The following ZNF777 variants were observed in gnomAD, a reference collection of about 807,000 sequenced individuals.
The protein encoded by ZNF777 is zinc finger protein 777.
In ZNF777, 7 loss-of-function variants were observed where a neutral mutation model predicts 72.1. The ratio of observed to expected loss-of-function variants is 0.10; its 90% CI spans 0.06 to 0.18. ZNF777 has a LOEUF of 0.18. Among genes scored for constraint, ZNF777 ranks in the 10% least tolerant of loss-of-function variants. The probability of loss-of-function intolerance (pLI) is 1.00; values close to 1 mark genes in which losing one functional copy is unlikely to be tolerated. For missense variants in ZNF777, 828 were observed against 1,128.6 expected, an observed-to-expected ratio of 0.73 and a Z score of 3.82; for synonymous variants, 545 against 483.5, an observed-to-expected ratio of 1.13 and a Z score of -1.67.
chr7:149,456,835 T>C (rs1481178348), intron 1 of ZNF777, among the ~76,000 whole-genome samples: 3 of 152,246 alleles, frequency 2.0e-5, no homozygotes, highest in African/African-American at 7.2e-5. Context: ...ACATCTTCTA[T>C]GTGCCCGGCC....
At chr7:149,446,147 G>A (rs1041156047) in intron 4 of ZNF777, among the ~76,000 whole-genome samples, 6 of 152,218 alleles carry the variant, frequency 3.9e-5, no homozygotes, top group African/African-American at 1.4e-4. Flanking sequence ...GGAGTCCGAG[G>A]CGGGCAGATT....
At chr7:149,446,197 G>C (rs561767073) in intron 4 of ZNF777, among the ~76,000 whole-genome samples, 1 of 152,196 alleles carries the variant, frequency 6.6e-6, no homozygotes, top group South Asian at 2.1e-4. Flanking sequence ...GACCAACATG[G>C]ATAAACCCCA....
In ZNF777 at chr7:149,432,414, G is replaced by A; in HGVS notation, c.1858C>T (p.Arg620Cys). ...TFNPKHALKP[R>C]PKSPSSGSGG... ...CTACCAGAGCTGGGTGACTTGGGAC[G>A]CGGCTTGAGCGCGTGCTTGGGGTTG... Residue 620 changes from arginine (R) to cysteine (C), a missense_variant, in exon 6 of 6, where the codon CGT becomes TGT. Coordinates refer to ENST00000247930, the MANE Select transcript of ZNF777 (RefSeq NM_015694.3). 1.2e-6 allele frequency: 2 copies of A among 1,613,420 alleles called. No individual in the cohort carries two copies. Among genetic ancestry groups the A allele is most frequent in the Non-Finnish European group, 1.7e-6 (2 of 1,179,950 alleles).
rs149863658 is a variant in ZNF777 at position 149,443,703 on chromosome 7, C to G, written c.1088-6877G>C. 7.1e-4 allele frequency among the ~76,000 whole-genome samples: 108 copies of G among 152,292 alleles called. 1 individual carries two copies. The East Asian group carries it at 0.016, about 23-fold the overall frequency. On this transcript the variant is annotated intron_variant, in intron 4 of 5. Coordinates refer to ENST00000247930, the MANE Select transcript of ZNF777 (RefSeq NM_015694.3). ...ATTCAAGTGATTCTCCTGCCTTAGC[C>G]TCCTGAGTAGCCGGGATTACAGGCA...
chr7:149,449,113 TGCA>T (rs1799668390), intron 4 of ZNF777, among the ~76,000 whole-genome samples: 1 of 152,224 alleles, frequency 6.6e-6, no homozygotes, highest in Admixed American at 6.5e-5. Flanking sequence ...CTCTGATACC[TGCA>T]GTTTTGCAGA....
At chr7:149,435,915 G>A (rs1441025695) in intron 5 of ZNF777, among the ~76,000 whole-genome samples, 1 of 152,148 alleles carries the variant, frequency 6.6e-6, no homozygotes, top group Non-Finnish European at 1.5e-5. Context: ...TATTACCTAA[G>A]TCCAATAGTG....
chr7:149,440,903 C>T (rs1028031635), intron 4 of ZNF777, among the ~76,000 whole-genome samples: 21 of 152,092 alleles, frequency 1.4e-4, no homozygotes, highest in African/African-American at 4.8e-4. Flanking sequence ...ATACCTGGCC[C>T]TACTTCAAGA....
rs908274226 is a variant in ZNF777, at chr7:149,455,684, T to C, written c.339A>G (p.Gln113=). 6.4e-7 allele frequency: 1 copy of C among 1,567,522 alleles called. No homozygotes were observed. The highest frequency in any genetic ancestry group is 8.6e-7 in the Non-Finnish European group (1 of 1,157,640). ...TQYPPPAAAE[Q]EVSLLSHSPH... ...GGGAGTGGGAGAGAAGGGAGACTTC[T>C]TGTTCAGCAGCAGCTGGGGGTGGAT... The change falls in exon 2 of 6, where the codon CAA becomes CAG. Residue 113 remains glutamine (Q), a synonymous_variant. Transcript: ENST00000247930. The surrounding 1 kb of genome is among the most constrained non-coding windows in gnomAD (Gnocchi z 4.2).
rs570367526 is a variant in ZNF777 at position 149,449,442 on chromosome 7, G to A, written c.1087+1557C>T. ...GGGAGGCCATCTGTGATGAGGCAGG[G>A]AAAAGCAGACAGAGAAAGGGGATCC... On this transcript the variant is annotated intron_variant, in intron 4 of 5. Coordinates refer to ENST00000247930, the MANE Select transcript of ZNF777 (RefSeq NM_015694.3). Among the ~76,000 whole-genome samples, 5 of 152,306 alleles carry A rather than the reference G, an allele frequency of 3.3e-5. No homozygotes were observed. The South Asian group carries it at 8.3e-4, about 25-fold the overall frequency.
rs192987100 is a variant in ZNF777 at position 149,439,867 on chromosome 7, G to A, written c.1088-3041C>T. 1.4e-3 allele frequency among the ~76,000 whole-genome samples: 211 copies of A among 152,250 alleles called. 1 individual carries two copies. Among genetic ancestry groups the A allele is most frequent in the African/African-American group, 4.3e-3 (179 of 41,528 alleles). ...AGAAAATAAAGAAACTTTGGGAAAT[G>A]TATCTCTTATAAGGATGAATAGAAA... On this transcript the variant is annotated intron_variant, in intron 4 of 5. Transcript: ENST00000247930.
intron 4 of ZNF777, among the ~76,000 whole-genome samples, chr7:149,450,494 A>C (rs554576163): frequency 6.6e-6 from 1 of 152,306 alleles, no homozygotes; most frequent in South Asian, 2.1e-4. Context: ...CTCACACCAG[A>C]GTGTGCACAT....
chr7:149,456,102 C>G lies in ZNF777; in HGVS notation c.-15-65G>C. 3 of 1,491,480 alleles carry G rather than the reference C, an allele frequency of 2.0e-6. No homozygotes were observed. The South Asian group carries it at 4.4e-5, about 22-fold the overall frequency. The allele number at this position is 1,491,480 out of a possible 1,614,324, so 92.4% of individuals were successfully genotyped here. On this transcript the variant is annotated intron_variant, in intron 1 of 5. Transcript: ENST00000247930. Reference sequence around the variant, plus strand: ...CAGTCTCCAGCTAGCAAAATAAAACCCAAAGACAAGTATACACATAAAAAG... The same window carrying G: ...CAGTCTCCAGCTAGCAAAATAAAACGCAAAGACAAGTATACACATAAAAAG...
chr7:149,437,799 C>CTTTTTTTTTTT lies in ZNF777; in HGVS notation c.1088-974_1088-973insAAAAAAAAAAA, dbSNP rs796721387. Among the ~76,000 whole-genome samples the CTTTTTTTTTTT allele has an allele frequency of 6.9e-4, 80 of 115,610 alleles. 1 individual carries two copies. Among genetic ancestry groups the CTTTTTTTTTTT allele is most frequent in the East Asian group, 1.6e-3 (4 of 2,574 alleles). 75.8% of individuals were successfully genotyped at this position (115,610 alleles called of 152,430 possible). On this transcript the variant is annotated intron_variant, in intron 4 of 5. Transcript: ENST00000247930. Reference sequence around the variant, plus strand: ...CACATACACATTTATATGTTTGTTTCTTTTTCTTTTTTTTTTTTTTTTGTC... The same window carrying CTTTTTTTTTTT: ...CACATACACATTTATATGTTTGTTTCTTTTTTTTTTTTTTTTCTTTTTTTTTTTTTTTTGTC...
At chr7:149,450,178 T>G (rs1218771139) in intron 4 of ZNF777, among the ~76,000 whole-genome samples, 2 of 152,050 alleles carry the variant, frequency 1.3e-5, no homozygotes, top group African/African-American at 4.8e-5. Context: ...TCAAGATAAG[T>G]GATGCAAGTC....
chr7:149,432,443 G>A lies in ZNF777; in HGVS notation c.1829C>T (p.Thr610Met), dbSNP rs1289049832. Residue 610 changes from threonine (T) to methionine (M), a missense_variant, in exon 6 of 6, where the codon ACG becomes ATG. Coordinates refer to ENST00000247930, the MANE Select transcript of ZNF777 (RefSeq NM_015694.3). Reference sequence around the variant, plus strand: ...CTTGAGCGCGTGCTTGGGGTTGAACGTGGGCCCGCGTTCGGGTGAGACGCA... The same window carrying A: ...CTTGAGCGCGTGCTTGGGGTTGAACATGGGCCCGCGTTCGGGTGAGACGCA... ...GGCVSPERGP[T>M]FNPKHALKPR... 4 of 1,613,422 alleles carry A rather than the reference G, an allele frequency of 2.5e-6. No homozygotes were observed. Among genetic ancestry groups the A allele is most frequent in the Non-Finnish European group, 3.4e-6 (4 of 1,179,892 alleles).
chr7:149,436,001 C>T lies in ZNF777; in HGVS notation c.1339+574G>A, dbSNP rs1230967795. Among the ~76,000 whole-genome samples the T allele has an allele frequency of 1.4e-4, 21 of 152,216 alleles. No individual in the cohort carries two copies. Among genetic ancestry groups the T allele is most frequent in the Non-Finnish European group, 3.1e-4 (21 of 68,034 alleles). Reference sequence around the variant, plus strand: ...CAGGATGGCTCAGCATCAGAAAATCCATCACGAAAGATGTCCTGGGATCAG... The same window carrying T: ...CAGGATGGCTCAGCATCAGAAAATCTATCACGAAAGATGTCCTGGGATCAG... On this transcript the variant is annotated intron_variant, in intron 5 of 5. Coordinates refer to ENST00000247930, the MANE Select transcript of ZNF777 (RefSeq NM_015694.3). The surrounding 1 kb of genome is among the most constrained non-coding windows in gnomAD (Gnocchi z 5.0).
chr7:149,431,716 G>T lies in ZNF777; in HGVS notation c.*60C>A. On this transcript the variant is annotated 3_prime_UTR_variant, in exon 6 of 6. Transcript: ENST00000247930. Reference sequence around the variant, plus strand: ...CCCGCCCGCTGGGCTCGGGCCTGGCGGTGTCCGAGGGGGGGCACGGCCCGC... The same window carrying T: ...CCCGCCCGCTGGGCTCGGGCCTGGCTGTGTCCGAGGGGGGGCACGGCCCGC... The T allele has an allele frequency of 8.2e-7, 1 of 1,226,000 alleles. No individual in the cohort carries two copies. 75.9% of individuals were successfully genotyped at this position (1,226,000 alleles called of 1,614,324 possible).
chr7:149,460,179 TCGCCGCCGCTACTGC>T lies in ZNF777; in HGVS notation c.-16+621_-16+635del, dbSNP rs1317119560. On this transcript the variant is annotated intron_variant, in intron 1 of 5. Transcript: ENST00000247930. This position sits in a 1 kb window ranked among gnomAD's most constrained non-coding sequence, Gnocchi z 6.1. The stretch of plus-strand genomic sequence containing the variant: ...CGCTGTCCGGCCCGGGCCCCCGGAG[TCGCCGCCGCTACTGC>T]CGCCGCCGCTACTGCGCGCGGCCCC... 1.0e-4 allele frequency: 88 copies of T among 861,986 alleles called. No individual in the cohort carries two copies. Among genetic ancestry groups the T allele is most frequent in the Middle Eastern group, 5.8e-4 (1 of 1,728 alleles). 53.4% of individuals were successfully genotyped at this position (861,986 alleles called of 1,614,324 possible).
intron 3 of ZNF777, among the ~76,000 whole-genome samples, chr7:149,453,284 AAAG>A (rs1226918850): frequency 6.6e-6 from 1 of 152,236 alleles, no homozygotes; most frequent in Non-Finnish European, 1.5e-5. Flanking sequence ...ACAATTAAAA[AAAG>A]AAAAAAGAAT....
Sources: allele counts gnomAD v4.1 joint callset (sites outside exome capture counted in the v4.1 genomes callset), GRCh38; gene constraint gnomAD v4.1.1; non-coding constraint Gnocchi (gnomAD v3.1); transcripts MANE v1.5; gene names NCBI Gene and HGNC (gene_info 2026-07-23, HGNC 2026-07-21).